Variants in PRR5L observed in about 807,000 individuals in gnomAD.
PRR5L encodes the protein proline rich 5 like, also known as proline-rich protein 5-like.
PRR5L carries 21 observed loss-of-function variants against 36.4 expected under a neutral mutation model. That is an observed-to-expected ratio of 0.58 (90% confidence interval 0.41 to 0.83). PRR5L has a LOEUF of 0.83. Among genes scored for constraint, PRR5L ranks in the 40% least tolerant of loss-of-function variants. PRR5L has a pLI of 0.00. For missense variants in PRR5L, 381 were observed against 473.3 expected, an observed-to-expected ratio of 0.80 and a Z score of 1.81; for synonymous variants, 188 against 197.0, an observed-to-expected ratio of 0.95 and a Z score of 0.38.
chr11:36,347,936 A>C (rs1856884340), intron 1 of PRR5L, among the ~76,000 whole-genome samples: 2 of 151,940 alleles, frequency 1.3e-5, no homozygotes, highest in African/African-American at 4.8e-5. Context: ...CCAAGCCTCC[A>C]TTTTTCCTCT....
chr11:36,446,498 G>T, intron 7 of PRR5L, 58 bp downstream of exon 7: 1 of 1,598,052 alleles, frequency 6.3e-7, no homozygotes. Flanking sequence ...GGAAGAGATT[G>T]CCTTTCTGAG....
At chr11:36,322,652 C>T (rs7130870) in intron 1 of PRR5L, among the ~76,000 whole-genome samples, 42,182 of 151,952 alleles carry the variant, frequency 0.28, 6,354 homozygotes, top group East Asian at 0.53. Flanking sequence ...TTTGGGACAC[C>T]AAAGATAAGT....
At chr11:36,329,276 A>G (rs1286297732) in intron 1 of PRR5L, 2 of 152,160 alleles carry the variant, frequency 1.3e-5, no homozygotes, top group African/African-American at 4.8e-5. Flanking sequence ...ACTGGACCAA[A>G]CTGTTGTGAT....
intron 1 of PRR5L, among the ~76,000 whole-genome samples, chr11:36,306,786 A>G (rs1240728205): frequency 2.0e-5 from 3 of 152,152 alleles, no homozygotes; most frequent in Non-Finnish European, 4.4e-5. Flanking sequence ...AATACACACA[A>G]GTGTTCATAG....
chr11:36,404,866 G>C (rs1857876967), intron 3 of PRR5L, among the ~76,000 whole-genome samples: 1 of 152,156 alleles, frequency 6.6e-6, no homozygotes, highest in Non-Finnish European at 1.5e-5. Context: ...TTTTACAAAG[G>C]AGGAAACTGA....
chr11:36,373,105 G>A (rs1332929923), intron 1 of PRR5L, among the ~76,000 whole-genome samples: 1 of 152,008 alleles, frequency 6.6e-6, no homozygotes, highest in East Asian at 1.9e-4. Flanking sequence ...TGGGTTAGGT[G>A]CCCACCCTTA....
At chr11:36,334,532 A>G (rs2133474962) in intron 1 of PRR5L, among the ~76,000 whole-genome samples, 1 of 151,526 alleles carries the variant, frequency 6.6e-6, no homozygotes, top group Non-Finnish European at 1.5e-5. Flanking sequence ...GTTATTATTT[A>G]CTCTATTTCA....
At chr11:36,357,040 A>G (rs1857035052) in intron 1 of PRR5L, among the ~76,000 whole-genome samples, 1 of 152,232 alleles carries the variant, frequency 6.6e-6, no homozygotes, top group Admixed American at 6.5e-5. Context: ...TCTTGAAATT[A>G]AAAGTGCTAC....
Position 36,319,789 on chromosome 11 carries a change from C to T in PRR5L, c.-126+23351C>T, listed in dbSNP as rs1382140521. Among the ~76,000 whole-genome samples, 4 of 151,236 alleles carry T rather than the reference C, an allele frequency of 2.6e-5. No homozygotes were observed. The East Asian group carries it at 7.8e-4, about 29-fold the overall frequency. On this transcript the variant is annotated intron_variant, in intron 1 of 8. Transcript: ENST00000530639. ...TTCTTAGGTTGTGGACAATGGAAAT[C>T]GATTCCAAATTCCTTGGGGGAAAAC...
At chr11:36,351,751 A>ATATATTTTT (rs1565409594) in intron 1 of PRR5L, among the ~76,000 whole-genome samples, 8 of 67,424 alleles carry the variant, frequency 1.2e-4, no homozygotes, top group African/African-American at 4.5e-4. Context: ...TATATAATTT[A>ATATATTTTT]TATATATTTA....
At chr11:36,366,547 T>A (rs1217755752) in intron 1 of PRR5L, among the ~76,000 whole-genome samples, 2 of 152,178 alleles carry the variant, frequency 1.3e-5, no homozygotes, top group Admixed American at 1.3e-4. Flanking sequence ...ATTAATGACA[T>A]CTCTTTTGCT....
At chr11:36,331,408 G>C (rs1856717448) in intron 1 of PRR5L, among the ~76,000 whole-genome samples, 1 of 152,118 alleles carries the variant, frequency 6.6e-6, no homozygotes, top group Non-Finnish European at 1.5e-5. Context: ...TTGAACACTT[G>C]ATGAAATAGA....
At chr11:36,418,871 T>A (rs749984744) in intron 3 of PRR5L, among the ~76,000 whole-genome samples, 12 of 152,172 alleles carry the variant, frequency 7.9e-5, no homozygotes, top group Non-Finnish European at 1.2e-4. Flanking sequence ...GAAGAATGTA[T>A]GAAAAATGTG....
intron 1 of PRR5L, among the ~76,000 whole-genome samples, chr11:36,305,627 A>C (rs999856129): frequency 2.6e-5 from 4 of 152,212 alleles, no homozygotes; most frequent in African/African-American, 9.6e-5. Flanking sequence ...TGATTAGGTC[A>C]TAAGGGTGGG....
chr11:36,308,646 A>G lies in PRR5L; in HGVS notation c.-126+12208A>G, dbSNP rs147273611. Among the ~76,000 whole-genome samples the G allele has an allele frequency of 3.5e-4, 53 of 152,292 alleles. 2 individuals are homozygous for G. The East Asian group carries it at 0.01, about 29-fold the overall frequency. ...ATCACAATTTTAGCTGATGTGATAG[A>G]TTGAGGTATTGTTCAGTAAATCTTC... is the stretch of plus-strand genomic sequence containing the variant. On this transcript the variant is annotated intron_variant, in intron 1 of 8. Coordinates refer to ENST00000530639, the MANE Select transcript of PRR5L (RefSeq NM_001160167.2).
At chr11:36,457,040 G>A (rs1859074034) in intron 8 of PRR5L, among the ~76,000 whole-genome samples, 1 of 152,170 alleles carries the variant, frequency 6.6e-6, no homozygotes, top group African/African-American at 2.4e-5. Flanking sequence ...TCCATTTGCT[G>A]CCTGGGCCCT....
intron 1 of PRR5L, among the ~76,000 whole-genome samples, chr11:36,333,997 A>G (rs187093845): frequency 2.0e-5 from 3 of 151,818 alleles, no homozygotes; most frequent in Admixed American, 2.0e-4. Context: ...CTCCTGCACA[A>G]CAGGCTTCAT....
intron 1 of PRR5L, among the ~76,000 whole-genome samples, chr11:36,397,214 C>A (rs1016776755): frequency 6.6e-6 from 1 of 151,146 alleles, no homozygotes; most frequent in African/African-American, 2.4e-5. Flanking sequence ...ATTACAGGCA[C>A]GCCAACACGC....
chr11:36,355,730 T>C (rs1456939435), intron 1 of PRR5L, among the ~76,000 whole-genome samples: 1 of 151,750 alleles, frequency 6.6e-6, no homozygotes, highest in African/African-American at 2.4e-5. Context: ...TTTTAATTTT[T>C]TTTTAATTTT....
Sources: gnomAD v4.1 joint callset for allele counts (sites outside exome capture counted in the v4.1 genomes callset) on GRCh38, gnomAD v4.1.1 for gene constraint, MANE v1.5 for transcripts, NCBI Gene and HGNC (gene_info 2026-07-23, HGNC 2026-07-21) for gene names.